Variants in COL27A1 observed in about 807,000 individuals in gnomAD.
COL27A1 encodes collagen alpha-1(XXVII) chain.
In COL27A1, 106 loss-of-function variants were observed where a neutral mutation model predicts 251.3. The observed-to-expected ratio is 0.42, with a 90% CI of 0.36 to 0.50. COL27A1 has a LOEUF of 0.50. Among genes scored for constraint, COL27A1 ranks in the 20% least tolerant of loss-of-function variants. COL27A1 has a pLI of 0.00. For synonymous variants in COL27A1, 1,000 were observed against 986.3 expected, an observed-to-expected ratio of 1.01 and a Z score of -0.26; for missense variants, 2,325 against 2,522.8, an observed-to-expected ratio of 0.92 and a Z score of 1.68.
chr9:114,156,727 G>A (rs1229286093), intron 1 of COL27A1, among the ~76,000 whole-genome samples: 1 of 152,170 alleles, frequency 6.6e-6, no homozygotes, highest in Non-Finnish European at 1.5e-5. Flanking sequence ...AGAGGGGCAG[G>A]GACTCTCCCA....
At chr9:114,202,104 T>C (rs577800900) in intron 7 of COL27A1, among the ~76,000 whole-genome samples, 1 of 152,374 alleles carries the variant, frequency 6.6e-6, no homozygotes, top group East Asian at 1.9e-4. Flanking sequence ...GCATAGGGCC[T>C]GCCACTGTGC....
Position 114,284,909 on chromosome 9 carries a change from G to A in COL27A1, c.3987+132G>A, listed in dbSNP as rs985333856. 7.5e-6 allele frequency: 7 copies of A among 935,228 alleles called. No homozygotes were observed. The African/African-American group carries it at 8.2e-5, about 11-fold the overall frequency. 57.9% of individuals were successfully genotyped at this position (935,228 alleles called of 1,614,324 possible). ...CTGTGGGGGCTCACCCCCTGCAGCA[G>A]CCGAGGCTGGTGTCACTGCCACTGT... On this transcript the variant is annotated intron_variant, in intron 41 of 60. Transcript: ENST00000356083.
rs893195062 is a variant in COL27A1 at position 114,167,853 on chromosome 9, C to G, written c.298C>G (p.Leu100Val). The G allele has an allele frequency of 9.3e-6, 15 of 1,613,638 alleles. No individual in the cohort carries two copies. Among genetic ancestry groups the G allele is most frequent in the Non-Finnish European group, 1.3e-5 (15 of 1,180,000 alleles). The change falls in exon 3 of 61, where the codon CTG becomes GTG. Residue 100 changes from leucine (L) to valine (V), a missense_variant. Transcript: ENST00000356083. ...IPAALGTELA[L>V]VLSLCSHRVN... is the part of the protein sequence containing the mutation. ...TGCCGCCTTGGGCACAGAGCTGGCA[C>G]TGGTGCTGAGCCTCTGCTCCCACCG...
chr9:114,301,312 G>C lies in COL27A1; in HGVS notation c.4784G>C (p.Gly1595Ala), dbSNP rs1480625198. Reference protein sequence around the residue: ...PGPKGDKGSRGDWGLQGPRGP... With the variant: ...PGPKGDKGSRADWGLQGPRGP... ...CCGAAGGGTGACAAAGGCAGCCGTG[G>C]GGACTGGGTAAGTGGATGGGCTGGG... is the stretch of plus-strand genomic sequence containing the variant. Residue 1595 changes from glycine to alanine, a missense_variant, in exon 53 of 61, where the codon GGG becomes GCG. By Grantham distance (60) the Gly-to-Ala change is moderately conservative. Coordinates refer to ENST00000356083, the MANE Select transcript of COL27A1 (RefSeq NM_032888.4). 6.2e-7 allele frequency: 1 copy of C among 1,613,596 alleles called. No homozygotes were observed. Among genetic ancestry groups the C allele is most frequent in the Admixed American group, 1.7e-5 (1 of 59,954 alleles).
chr9:114,290,089 C>A lies in COL27A1; in HGVS notation c.4238C>A (p.Ala1413Asp), dbSNP rs752888020. The A allele has an allele frequency of 5.6e-6, 9 of 1,611,684 alleles. No individual in the cohort carries two copies. In the Admixed American group the frequency reaches 1.2e-4, roughly 21 times the overall value. Residue 1413 changes from alanine (A) to aspartate (D), a missense_variant, in exon 46 of 61, where the codon GCC (alanine) becomes GAC (aspartate). Ala to Asp is a moderately radical substitution (Grantham distance 126). This residue lies in a region of COL27A1 where 662 missense variants were observed against 795.3 expected (regional missense o/e 0.83). Transcript: ENST00000356083. The surrounding 1 kb of genome is among the most constrained non-coding windows in gnomAD (Gnocchi z 4.6). ...GPKGKQGKAG[A>D]PGRRGVQGLQ... Reference sequence around the variant, plus strand: ...AAGGGAAAGCAAGGCAAGGCAGGGGCCCCAGGCCGGAGGGGGGTCCAGGTG... The same window carrying A: ...AAGGGAAAGCAAGGCAAGGCAGGGGACCCAGGCCGGAGGGGGGTCCAGGTG...
chr9:114,249,564 C>T (rs1024237335), intron 24 of COL27A1, among the ~76,000 whole-genome samples: 10 of 152,180 alleles, frequency 6.6e-5, no homozygotes, highest in African/African-American at 2.4e-4. Context: ...GTGTGGCCCT[C>T]GCTGAAGTGA....
intron 49 of COL27A1, among the ~76,000 whole-genome samples, chr9:114,298,159 T>C (rs1766054): frequency 0.41 from 61,820 of 149,842 alleles, 12,806 homozygotes; most frequent in Admixed American, 0.46. Context: ...AAGTACAAGA[T>C]ATGTTCAGTG....
rs372794184 is a variant in COL27A1, at chr9:114,165,916, AC to A, written c.134-1770del. ...TATCTATCCATCAATTCATCCATCC[AC>A]CCATACAGCCAGCCAGCCATCATCC... is the stretch of plus-strand genomic sequence containing the variant. On this transcript the variant is annotated intron_variant, in intron 2 of 60. Transcript: ENST00000356083. Among the ~76,000 whole-genome samples, 585 of 149,448 alleles carry A rather than the reference AC, an allele frequency of 3.9e-3. 5 individuals are homozygous for A. Among genetic ancestry groups the A allele is most frequent in the African/African-American group, 0.013 (530 of 40,312 alleles).
intron 3 of COL27A1, among the ~76,000 whole-genome samples, chr9:114,170,487 C>T (rs910379849): frequency 6.6e-6 from 1 of 152,212 alleles, no homozygotes; most frequent in African/African-American, 2.4e-5. Context: ...CCGGCTCTCC[C>T]ACTGGGCTCT....
rs191154059 is a variant in COL27A1 at position 114,280,706 on chromosome 9, G to T, written c.3718-1571G>T. Among the ~76,000 whole-genome samples, 320 of 152,306 alleles carry T rather than the reference G, an allele frequency of 2.1e-3. 3 individuals carry two copies. Among genetic ancestry groups the T allele is most frequent in the African/African-American group, 7.5e-3 (313 of 41,574 alleles). On this transcript the variant is annotated intron_variant, in intron 37 of 60. Transcript: ENST00000356083. Reference sequence around the variant, plus strand: ...ATGTAGACTCAGGCACTGGGTTGCAGGCAGTCTGTGCTGAGGTCCTTCCCG... The same window carrying T: ...ATGTAGACTCAGGCACTGGGTTGCATGCAGTCTGTGCTGAGGTCCTTCCCG...
chr9:114,264,877 T>G, intron 29 of COL27A1, 47 bp from the exon 30 acceptor site: 2 of 1,577,298 alleles, frequency 1.3e-6, no homozygotes, highest in Non-Finnish European at 1.7e-6. Flanking sequence ...TGGGGAACGG[T>G]CCTCCCAAGC....
At chr9:114,298,441 A>T (rs1445441138) in intron 49 of COL27A1, among the ~76,000 whole-genome samples, 3 of 152,230 alleles carry the variant, frequency 2.0e-5, no homozygotes, top group Non-Finnish European at 4.4e-5. Flanking sequence ...CACACTTCCC[A>T]ATTTCAAAAC....
chr9:114,265,908 A>C (rs928211582), intron 32 of COL27A1, among the ~76,000 whole-genome samples: 12 of 152,154 alleles, frequency 7.9e-5, no homozygotes, highest in Admixed American at 3.9e-4. Flanking sequence ...GCCCAAGGCC[A>C]CGGGGACACT....
chr9:114,222,587 A>C (rs923957588), intron 14 of COL27A1, among the ~76,000 whole-genome samples: 1 of 152,176 alleles, frequency 6.6e-6, no homozygotes, highest in South Asian at 2.1e-4. Context: ...AAGCCCTTTC[A>C]CACCTGCTGC....
At chr9:114,191,706 A>T (rs371580546) in intron 5 of COL27A1, among the ~76,000 whole-genome samples, 17 of 152,304 alleles carry the variant, frequency 1.1e-4, no homozygotes, top group African/African-American at 4.1e-4. Context: ...TTGCTATTGT[A>T]AATAGTGCTG....
chr9:114,310,542 C>A lies in COL27A1; in HGVS notation c.5437-7C>A. Reference sequence around the variant, plus strand: ...ATGTACGTGTGCACTTTTCCTTCTGCCTTCAGGTCCAAGATGGCCGCTGGC... The same window carrying A: ...ATGTACGTGTGCACTTTTCCTTCTGACTTCAGGTCCAAGATGGCCGCTGGC... On this transcript the variant is annotated splice_polypyrimidine_tract_variant and splice_region_variant and intron_variant, in intron 60 of 60. Coordinates refer to ENST00000356083, the MANE Select transcript of COL27A1 (RefSeq NM_032888.4). The A allele has an allele frequency of 6.2e-7, 1 of 1,614,160 alleles. No homozygotes were observed. Among genetic ancestry groups the A allele is most frequent in the African/African-American group, 1.3e-5 (1 of 75,052 alleles).
At chr9:114,261,656 C>T (rs192516643) in intron 28 of COL27A1, among the ~76,000 whole-genome samples, 13 of 152,346 alleles carry the variant, frequency 8.5e-5, no homozygotes, top group African/African-American at 3.1e-4. Context: ...CAACACCAGG[C>T]CCCAGTGTGC....
At chr9:114,250,337 C>T (rs1210000025) in intron 24 of COL27A1, among the ~76,000 whole-genome samples, 1 of 152,246 alleles carries the variant, frequency 6.6e-6, no homozygotes, top group Non-Finnish European at 1.5e-5. Context: ...GTGGCAGCCT[C>T]CCAGCCTGCT....
intron 14 of COL27A1, among the ~76,000 whole-genome samples, chr9:114,227,784 A>G (rs1334322751): frequency 1.3e-5 from 2 of 152,104 alleles, no homozygotes; most frequent in Non-Finnish European, 2.9e-5. Flanking sequence ...GTTCCAAATT[A>G]AGGGACTTAC....
Sources: gnomAD v4.1 joint callset for allele counts (sites outside exome capture counted in the v4.1 genomes callset) on GRCh38, gnomAD v4.1.1 for gene constraint, gnomAD v4.1.1 regional missense constraint, Gnocchi (gnomAD v3.1) non-coding constraint, MANE v1.5 for transcripts, NCBI Gene and HGNC (gene_info 2026-07-23, HGNC 2026-07-21) for gene names.